The following LPP variants were observed in gnomAD, a reference collection of about 807,000 sequenced individuals.
The protein encoded by LPP is LIM domain containing preferred translocation partner in lipoma, also known as lipoma-preferred partner.
Under a neutral mutation model 60.4 loss-of-function variants are expected in LPP, and 38 were observed. The ratio of observed to expected loss-of-function variants is 0.63; its 90% confidence interval spans 0.49 to 0.83. The LOEUF (loss-of-function observed/expected upper bound fraction) is 0.83, where lower values mean the gene tolerates loss of function less well. Among genes scored for constraint, LPP ranks in the 40% least tolerant of loss-of-function variants. The pLI is 0.00. For synonymous variants in LPP, 328 were observed against 290.8 expected (o/e 1.13, Z -1.30); for missense variants, 902 against 783.6 (o/e 1.15, Z -1.80).
At chr3:188,374,376 T>C (rs867047220) in intron 3 of LPP, among the ~76,000 whole-genome samples, 1,616 of 152,122 alleles carry the variant, frequency 0.011, 25 homozygotes, top group African/African-American at 0.035. Context: ...TATCCTCTTT[T>C]ATTTCCTTGA....
chr3:188,279,421 A>G (rs926371120), intron 2 of LPP, among the ~76,000 whole-genome samples: 2 of 152,228 alleles, frequency 1.3e-5, no homozygotes, highest in African/African-American at 2.4e-5. Context: ...TGGGTAGCCA[A>G]TGAATTATAT....
At chr3:188,840,312 A>G (rs1414356951) in intron 9 of LPP, among the ~76,000 whole-genome samples, 1 of 152,212 alleles carries the variant, frequency 6.6e-6, no homozygotes, top group African/African-American at 2.4e-5. Context: ...TGTTTTACCT[A>G]CATACAACTA....
At chr3:188,227,159 A>G (rs1240370769) in intron 2 of LPP, among the ~76,000 whole-genome samples, 4 of 151,772 alleles carry the variant, frequency 2.6e-5, no homozygotes, top group African/African-American at 9.7e-5. Flanking sequence ...AGAGACTTTT[A>G]TTTATTTATT....
chr3:188,803,207 G>A (rs990482348), intron 9 of LPP, among the ~76,000 whole-genome samples: 2 of 151,940 alleles, frequency 1.3e-5, no homozygotes, highest in Admixed American at 6.6e-5. Context: ...ACCACAGAGA[G>A]CAATTTTTAA....
chr3:188,863,519 G>T (rs1037143339), intron 9 of LPP, among the ~76,000 whole-genome samples: 3 of 152,142 alleles, frequency 2.0e-5, no homozygotes, highest in Non-Finnish European at 4.4e-5. Flanking sequence ...GGAACTCCCA[G>T]CCCCCTCCTC....
intron 9 of LPP, among the ~76,000 whole-genome samples, chr3:188,862,628 C>T (rs565637022): frequency 3.3e-5 from 5 of 151,300 alleles, no homozygotes; most frequent in South Asian, 2.1e-4. Flanking sequence ...TCACAAAGCA[C>T]GCTACTGATA....
At chr3:188,243,455 G>A (rs1461318599) in intron 2 of LPP, among the ~76,000 whole-genome samples, 1 of 152,206 alleles carries the variant, frequency 6.6e-6, no homozygotes, top group Admixed American at 6.5e-5. Context: ...GGGGCTTGGG[G>A]TGGTGTCTCA....
chr3:188,484,814 C>G, intron 5 of LPP, 110 bp downstream of exon 5: 2 of 809,054 alleles, frequency 2.5e-6, no homozygotes, highest in Admixed American at 2.0e-5. Flanking sequence ...GCTGGATAAA[C>G]ATTTATCCAG....
intron 5 of LPP, among the ~76,000 whole-genome samples, chr3:188,506,381 GAT>G (rs1344148083): frequency 6.6e-6 from 1 of 152,146 alleles, no homozygotes; most frequent in Non-Finnish European, 1.5e-5. Context: ...TTAATAAATA[GAT>G]TTATTAATGC....
chr3:188,444,950 C>G (rs1039002218), intron 4 of LPP, among the ~76,000 whole-genome samples: 7 of 152,128 alleles, frequency 4.6e-5, no homozygotes, highest in Admixed American at 6.5e-5. Context: ...CCATCTCACG[C>G]CAGTTAAAGT....
chr3:188,860,122 G>A (rs553074898), intron 9 of LPP, among the ~76,000 whole-genome samples: 3 of 151,890 alleles, frequency 2.0e-5, no homozygotes, highest in South Asian at 2.1e-4. Flanking sequence ...GCTGTTGGAA[G>A]GTTATCTAGT....
intron 6 of LPP, among the ~76,000 whole-genome samples, chr3:188,606,019 G>A (rs1476899055): frequency 6.6e-6 from 1 of 152,066 alleles, no homozygotes; most frequent in South Asian, 2.1e-4. Context: ...AACTCAAGAA[G>A]ACCATAGTAC....
intron 5 of LPP, among the ~76,000 whole-genome samples, chr3:188,507,397 C>T (rs1813847918): frequency 6.6e-6 from 1 of 152,042 alleles, no homozygotes. Context: ...TTGGAAAGTA[C>T]AGCCTCTGTT....
chr3:188,802,610 C>G (rs111740514), intron 9 of LPP, among the ~76,000 whole-genome samples: 62 of 152,166 alleles, frequency 4.1e-4, no homozygotes, highest in African/African-American at 1.5e-3. Flanking sequence ...TGGTGAAACC[C>G]CGTCACTACT....
intron 7 of LPP, among the ~76,000 whole-genome samples, chr3:188,700,630 T>C (rs1471276360): frequency 2.0e-5 from 3 of 152,158 alleles, no homozygotes; most frequent in African/African-American, 7.2e-5. Flanking sequence ...GCCCCAAGTG[T>C]AGTGAAAGTT....
At chr3:188,475,022 T>A (rs978584830) in intron 4 of LPP, among the ~76,000 whole-genome samples, 3 of 152,256 alleles carry the variant, frequency 2.0e-5, no homozygotes, top group Non-Finnish European at 2.9e-5. Flanking sequence ...GAAATCCATT[T>A]AATGTTTTCT....
At chr3:188,480,126 G>A in intron 4 of LPP, among the ~76,000 whole-genome samples, 1 of 152,206 alleles carries the variant, frequency 6.6e-6, no homozygotes, top group Admixed American at 6.5e-5. Context: ...TAGATTAAAA[G>A]GGAGAGCTTG....
intron 9 of LPP, among the ~76,000 whole-genome samples, chr3:188,769,423 C>G (rs1735165164): frequency 6.6e-6 from 1 of 152,156 alleles, no homozygotes; most frequent in Non-Finnish European, 1.5e-5. Context: ...CCAAGGCAGC[C>G]CTTACTTGGT....
At chr3:188,627,760 T>G (rs892783592) in intron 7 of LPP, among the ~76,000 whole-genome samples, 3 of 152,228 alleles carry the variant, frequency 2.0e-5, no homozygotes, top group African/African-American at 7.2e-5. Context: ...CTTGACCAAA[T>G]GGACCTATGA....
Sources: gnomAD v4.1 joint callset for allele counts (sites outside exome capture counted in the v4.1 genomes callset) on GRCh38, gnomAD v4.1.1 for gene constraint, MANE v1.5 for transcripts, NCBI Gene and HGNC (gene_info 2026-07-23, HGNC 2026-07-21) for gene names.